GRM7: variants seen among roughly 807,000 people sequenced by gnomAD.
The protein encoded by GRM7 is metabotropic glutamate receptor 7.
A neutral mutation model predicts 84.5 loss-of-function variants in GRM7; 35 were observed. The ratio of observed to expected loss-of-function variants is 0.41; its 90% CI spans 0.32 to 0.55. GRM7 has a LOEUF of 0.55. Ranked by LOEUF, GRM7 falls within the 20% of genes least tolerant of loss-of-function variation. The pLI is 0.19. For missense variants in GRM7, 1,003 were observed against 1,194.6 expected, an observed-to-expected ratio of 0.84 and a Z score of 2.36; for synonymous variants, 487 against 455.1, an observed-to-expected ratio of 1.07 and a Z score of -0.89.
chr3:7,240,914 A>G (rs1697535633), intron 2 of GRM7, among the ~76,000 whole-genome samples: 1 of 152,206 alleles, frequency 6.6e-6, no homozygotes, highest in Admixed American at 6.5e-5. Context: ...AATTGCCTAC[A>G]GTATTCGGGA....
intron 1 of GRM7, among the ~76,000 whole-genome samples, chr3:6,996,057 A>AT (rs60520890): frequency 0.2 from 30,238 of 151,192 alleles, 3,686 homozygotes; most frequent in East Asian, 0.32. Context: ...TCTACAATAT[A>AT]TTTTTTTTTG....
chr3:7,542,074 G>C (rs1226504863), intron 7 of GRM7, among the ~76,000 whole-genome samples: 1 of 152,042 alleles, frequency 6.6e-6, no homozygotes, highest in Non-Finnish European at 1.5e-5. Context: ...TTTTTATGAG[G>C]ACACTAGTCA....
intron 2 of GRM7, among the ~76,000 whole-genome samples, chr3:7,292,063 T>G (rs936306696): frequency 6.6e-6 from 1 of 152,220 alleles, no homozygotes; most frequent in Non-Finnish European, 1.5e-5. Flanking sequence ...TCCACAGCCA[T>G]GTGGAACTGT....
rs370084015 is a variant in GRM7 at position 7,323,277 on chromosome 3, A to G, written c.1033+16625A>G. On this transcript the variant is annotated intron_variant, in intron 4 of 9. Coordinates refer to ENST00000357716, the MANE Select transcript of GRM7 (RefSeq NM_000844.4). Reference sequence around the variant, plus strand: ...CTATCCCACATAGTGCATCTTTTTTAGGAGTAAGAGGGGAAAGGCACAATA... The same window carrying G: ...CTATCCCACATAGTGCATCTTTTTTGGGAGTAAGAGGGGAAAGGCACAATA... Among the ~76,000 whole-genome samples the G allele has an allele frequency of 5.1e-4, 78 of 152,290 alleles. 4 individuals are homozygous for G. The South Asian group carries it at 0.012, about 23-fold the overall frequency.
chr3:7,142,047 C>T (rs890236608), intron 1 of GRM7, among the ~76,000 whole-genome samples: 15 of 151,972 alleles, frequency 9.9e-5, no homozygotes, highest in Non-Finnish European at 1.9e-4. Context: ...TGCATTAGCT[C>T]TGAGGATTTT....
chr3:7,208,173 C>A (rs1209171780), intron 2 of GRM7, among the ~76,000 whole-genome samples: 1 of 152,204 alleles, frequency 6.6e-6, no homozygotes, highest in Admixed American at 6.5e-5. Flanking sequence ...CCAAAAGTCT[C>A]ATTCATTTGT....
At chr3:7,138,313 C>G (rs1013562678) in intron 1 of GRM7, among the ~76,000 whole-genome samples, 2 of 151,768 alleles carry the variant, frequency 1.3e-5, no homozygotes, top group African/African-American at 4.8e-5. Context: ...GACGTTAGAC[C>G]CTTTTTATCA....
intron 1 of GRM7, among the ~76,000 whole-genome samples, chr3:6,970,098 T>G (rs890118464): frequency 2.2e-4 from 34 of 152,298 alleles, no homozygotes; most frequent in African/African-American, 8.2e-4. Flanking sequence ...AAAATTACAT[T>G]TCTAGGTACA....
Position 7,709,153 on chromosome 3 carries a change from TAGAC to T in GRM7, c.2698+28861_2698+28864del, listed in dbSNP as rs1302517201. On this transcript the variant is annotated intron_variant, in intron 9 of 9. Coordinates refer to ENST00000357716, the MANE Select transcript of GRM7 (RefSeq NM_000844.4). Reference sequence around the variant, plus strand: ...TCTTCAGCAAGCGGTCCCTAAGTATTAGACAGGATAGTATCCATGATAAATCCTT... The same window carrying T: ...TCTTCAGCAAGCGGTCCCTAAGTATTAGGATAGTATCCATGATAAATCCTT... Among the ~76,000 whole-genome samples, 3 of 152,170 alleles carry T rather than the reference TAGAC, an allele frequency of 2.0e-5. 1 individual carries two copies. The highest frequency in any genetic ancestry group is 7.2e-5 in the African/African-American group (3 of 41,440).
intron 9 of GRM7, among the ~76,000 whole-genome samples, chr3:7,692,686 T>G (rs1246145877): frequency 6.6e-6 from 1 of 152,198 alleles, no homozygotes; most frequent in Non-Finnish European, 1.5e-5. Flanking sequence ...AAAACTGACT[T>G]AGAGCAGTGA....
chr3:7,241,251 A>G (rs1697547796), intron 2 of GRM7, among the ~76,000 whole-genome samples: 1 of 152,192 alleles, frequency 6.6e-6, no homozygotes, highest in South Asian at 2.1e-4. Context: ...AAATTTCTAT[A>G]TGGAATGTGG....
intron 8 of GRM7, among the ~76,000 whole-genome samples, chr3:7,618,773 G>C (rs146651041): frequency 6.6e-6 from 1 of 152,276 alleles, no homozygotes; most frequent in East Asian, 1.9e-4. Flanking sequence ...ACACCTTGAA[G>C]GGTGACAATT....
intron 7 of GRM7, among the ~76,000 whole-genome samples, chr3:7,511,958 A>G (rs2124978335): frequency 6.6e-6 from 1 of 152,236 alleles, no homozygotes; most frequent in East Asian, 1.9e-4. Context: ...CCTGGGCCAC[A>G]TAGTGAGACA....
chr3:7,133,080 C>T (rs992126513), intron 1 of GRM7, among the ~76,000 whole-genome samples: 7 of 151,982 alleles, frequency 4.6e-5, no homozygotes, highest in East Asian at 1.9e-4. Context: ...GTCCATGTAA[C>T]GGACTCAGCA....
At chr3:7,380,520 T>A (rs73809087) in intron 4 of GRM7, among the ~76,000 whole-genome samples, 2,666 of 152,320 alleles carry the variant, frequency 0.018, 77 homozygotes, top group African/African-American at 0.059. Context: ...TCTCTCAACC[T>A]TATTCTTTGG....
At chr3:7,040,295 G>A (rs1368135055) in intron 1 of GRM7, among the ~76,000 whole-genome samples, 1 of 150,074 alleles carries the variant, frequency 6.7e-6, no homozygotes, top group Non-Finnish European at 1.5e-5. Context: ...ACCCTTGTCT[G>A]TCTCTGTAAA....
chr3:7,644,136 GTA>G lies in GRM7; in HGVS notation c.2452-35905_2452-35904del, dbSNP rs1314405146. ...CTGTGCATGTTGTGTGTGTGTGTGT[GTA>G]TATATATGTCTGTACGTATATATAT... On this transcript the variant is annotated intron_variant, in intron 8 of 9. Coordinates refer to ENST00000357716, the MANE Select transcript of GRM7 (RefSeq NM_000844.4). Among the ~76,000 whole-genome samples, 7 of 140,048 alleles carry G rather than the reference GTA, an allele frequency of 5.0e-5. 1 individual carries two copies. Among genetic ancestry groups the G allele is most frequent in the African/African-American group, 1.1e-4 (4 of 35,674 alleles). The allele number at this position is 140,048 out of a possible 152,430, so 91.9% of individuals were successfully genotyped here.
At chr3:7,382,297 G>A (rs1694622511) in intron 4 of GRM7, among the ~76,000 whole-genome samples, 1 of 152,084 alleles carries the variant, frequency 6.6e-6, no homozygotes, top group Non-Finnish European at 1.5e-5. Flanking sequence ...ATGTATATAG[G>A]CCTATTAAAT....
At chr3:7,419,318 T>A (rs947361373) in intron 5 of GRM7, among the ~76,000 whole-genome samples, 7 of 152,078 alleles carry the variant, frequency 4.6e-5, no homozygotes, top group Non-Finnish European at 8.8e-5. Flanking sequence ...CAAGGCCCAA[T>A]GACATTTGGA....
Sources: allele counts gnomAD v4.1 joint callset (sites outside exome capture counted in the v4.1 genomes callset), GRCh38; gene constraint gnomAD v4.1.1; transcripts MANE v1.5; gene names NCBI Gene and HGNC (gene_info 2026-07-23, HGNC 2026-07-21).